Variants in GPR35 observed in about 807,000 individuals in gnomAD.
GPR35 encodes the protein G protein-coupled receptor 35, also known as KYNA receptor.
For missense variants in GPR35, 372 were observed against 422.5 expected (o/e 0.88, Z 1.05); for synonymous variants, 207 against 198.4 (o/e 1.04, Z -0.36).
chr2:240,626,311 C>T (rs868524047), intron 1 of GPR35, among the ~76,000 whole-genome samples: 2 of 20,000 alleles, frequency 1.0e-4, no homozygotes, highest in Non-Finnish European at 1.7e-4. Context: ...GGTCTCAGAG[C>T]GGGGTGAGGC....
At chr2:240,622,851 G>A (rs2125483100), upstream of GPR35, among the ~76,000 whole-genome samples, 1 of 152,362 alleles carries the variant, frequency 6.6e-6, no homozygotes, top group Non-Finnish European at 1.5e-5. Context: ...AGAGGCTGGG[G>A]GCGGAGGGCC....
At chr2:240,620,766 C>T (rs1490758522), upstream of GPR35, among the ~76,000 whole-genome samples, 3 of 152,208 alleles carry the variant, frequency 2.0e-5, no homozygotes, top group African/African-American at 4.8e-5. Context: ...AGCCACCCCC[C>T]AGGACCCCTG....
intron 3 of GPR35, chr2:240,616,611 GC>G (rs1202716671): frequency 1.2e-5 from 8 of 694,642 alleles, no homozygotes; most frequent in Non-Finnish European, 2.1e-5. Context: ...GAGGCCAGCA[GC>G]CACCAATGAT....
At chr2:240,620,481 G>T (rs1431153632), upstream of GPR35, among the ~76,000 whole-genome samples, 1 of 152,094 alleles carries the variant, frequency 6.6e-6, no homozygotes, top group African/African-American at 2.4e-5. Context: ...CACGGGGGAG[G>T]CAGGGAAGGG....
intron 5 of GPR35, among the ~76,000 whole-genome samples, chr2:240,619,764 A>G (rs971876830): frequency 2.0e-5 from 3 of 152,204 alleles, no homozygotes; most frequent in Non-Finnish European, 2.9e-5. Context: ...AGGTCTCCCC[A>G]GAGTGGAGGA....
Position 240,631,994 on chromosome 2 carries a change from C to T in GPR35, c.*1112C>T, listed in dbSNP as rs1003557003. Reference sequence around the variant, plus strand: ...ACCCAGGCTCCGGAGGGCCCATGCCCAGGAGAGCCCCATAAGGGCTCTGTG... The same window carrying T: ...ACCCAGGCTCCGGAGGGCCCATGCCTAGGAGAGCCCCATAAGGGCTCTGTG... On this transcript the variant is annotated 3_prime_UTR_variant, in exon 2 of 2. Coordinates refer to ENST00000407714, the MANE Select transcript of GPR35 (RefSeq NM_005301.5). Among the ~76,000 whole-genome samples the T allele has an allele frequency of 1.8e-5, 2 of 112,436 alleles. No individual in the cohort carries two copies. Among genetic ancestry groups the T allele is most frequent in the African/African-American group, 5.3e-5 (2 of 37,444 alleles). The allele number at this position is 112,436 out of a possible 152,430, so 73.8% of individuals were successfully genotyped here.
At chr2:240,619,932 T>A (rs972148737) in intron 5 of GPR35, among the ~76,000 whole-genome samples, 9 of 152,134 alleles carry the variant, frequency 5.9e-5, no homozygotes, top group Admixed American at 2.0e-4. Flanking sequence ...GCCCGATGGC[T>A]CTCTCTGCTG....
At chr2:240,617,232 C>T in exon 4 of GPR35, 1 of 640,018 alleles carries the variant, frequency 1.6e-6, no homozygotes, top group South Asian at 1.9e-5. Context: ...AGTGAATCTC[C>T]TCGTAGCTGA....
chr2:240,615,537 T>C (rs1453772770), intron 2 of GPR35, among the ~76,000 whole-genome samples: 1 of 152,236 alleles, frequency 6.6e-6, no homozygotes, highest in African/African-American at 2.4e-5. Context: ...TAACCCCTTG[T>C]GCCCATCACC....
chr2:240,620,653 G>C (rs561059266), upstream of GPR35, among the ~76,000 whole-genome samples: 1 of 152,158 alleles, frequency 6.6e-6, no homozygotes, highest in South Asian at 2.1e-4. Context: ...CCTGCACTTG[G>C]GCTGTGGGGA....
chr2:240,630,547 G>C lies in GPR35; in HGVS notation c.595G>C (p.Ala199Pro). Residue 199 changes from alanine to proline, a missense_variant, in exon 2 of 2, where the codon GCC (alanine) becomes CCC (proline). Coordinates refer to ENST00000407714, the MANE Select transcript of GPR35 (RefSeq NM_005301.5). ...CTCCCTGAAGGTGGTGACTGCCCTG[G>C]CCCAGAGGCCACCCACCGACGTGGG... Reference protein sequence around the residue: ...FCSLKVVTALAQRPPTDVGQA... With the variant: ...FCSLKVVTALPQRPPTDVGQA... 1.9e-6 allele frequency: 3 copies of C among 1,612,834 alleles called. No homozygotes were observed. The highest frequency in any genetic ancestry group is 2.5e-6 in the Non-Finnish European group (3 of 1,179,914).
At chr2:240,624,803 C>G (rs867033870), upstream of GPR35, among the ~76,000 whole-genome samples, 2 of 151,710 alleles carry the variant, frequency 1.3e-5, no homozygotes, top group Non-Finnish European at 1.5e-5. Flanking sequence ...GGAAGATGTC[C>G]GCTGAGGAGT....
Position 240,630,346 on chromosome 2 carries a change from C to G in GPR35, c.394C>G (p.Gln132Glu), listed in dbSNP as rs1362032598. The change falls in exon 2 of 2, where the codon CAG (glutamine) becomes GAG (glutamate). Residue 132 changes from glutamine to glutamate, a missense_variant. Gln to Glu is a conservative substitution (Grantham distance 29, BLOSUM62 2). Coordinates refer to ENST00000407714, the MANE Select transcript of GPR35 (RefSeq NM_005301.5). ...TGCCCGCGGGCTGCGGTCCCCCAGGCAGGCTGCGGCCGTGTGCGCGGTCCT... is the reference window on the plus strand; with the variant it reads ...TGCCCGCGGGCTGCGGTCCCCCAGGGAGGCTGCGGCCGTGTGCGCGGTCCT... ...LRARGLRSPRQAAAVCAVLWV... is the reference protein window; with the variant it reads ...LRARGLRSPREAAAVCAVLWV... 6.2e-7 allele frequency: 1 copy of G among 1,600,702 alleles called. No individual in the cohort carries two copies. Among genetic ancestry groups the G allele is most frequent in the African/African-American group, 1.3e-5 (1 of 74,816 alleles).
At chr2:240,616,366 C>A in intron 2 of GPR35, 1 of 750,392 alleles carries the variant, frequency 1.3e-6, no homozygotes. Context: ...CTTCCTCCTC[C>A]GTCTCTCTAT....
chr2:240,627,397 G>T (rs1467939769), intron 1 of GPR35: 1 of 152,202 alleles, frequency 6.6e-6, no homozygotes, highest in Non-Finnish European at 1.5e-5. Context: ...TGCAACATTT[G>T]CATTTTTCTC....
chr2:240,630,364 G>A lies in GPR35; in HGVS notation c.412G>A (p.Ala138Thr), dbSNP rs376265458. 6.7e-5 allele frequency: 108 copies of A among 1,607,768 alleles called. No individual in the cohort carries two copies. Among genetic ancestry groups the A allele is most frequent in the South Asian group, 9.9e-5 (9 of 91,064 alleles). Residue 138 changes from alanine (A) to threonine (T), a missense_variant, in exon 2 of 2, where the codon GCG becomes ACG. Transcript: ENST00000407714. ...CCCCAGGCAGGCTGCGGCCGTGTGC[G>A]CGGTCCTCTGGGTGCTGGTCATCGG... is the stretch of plus-strand genomic sequence containing the variant. ...RSPRQAAAVCAVLWVLVIGSL... is the reference protein window; with the variant it reads ...RSPRQAAAVCTVLWVLVIGSL...
chr2:240,627,020 C>T (rs2043386238), intron 1 of GPR35, among the ~76,000 whole-genome samples: 1 of 152,210 alleles, frequency 6.6e-6, no homozygotes, highest in Admixed American at 6.5e-5. Flanking sequence ...AGCGGGGCCT[C>T]AGAGGCGTGC....
At chr2:240,611,645 A>G (rs1259302967) in intron 2 of GPR35, among the ~76,000 whole-genome samples, 2 of 152,166 alleles carry the variant, frequency 1.3e-5, no homozygotes, top group East Asian at 3.9e-4. Flanking sequence ...ACTTTGAAGG[A>G]AGATTAGTTT....
intron 4 of GPR35, among the ~76,000 whole-genome samples, chr2:240,617,991 C>G (rs1234995970): frequency 1.3e-5 from 2 of 152,186 alleles, no homozygotes; most frequent in Non-Finnish European, 2.9e-5. Context: ...ACTTAGAGAC[C>G]ACAGTCTGGG....
Sources: allele counts gnomAD v4.1 joint callset (sites outside exome capture counted in the v4.1 genomes callset), GRCh38; gene constraint gnomAD v4.1.1; transcripts MANE v1.5; gene names NCBI Gene and HGNC (gene_info 2026-07-23, HGNC 2026-07-21).